ITGBL1: variants seen among roughly 807,000 people sequenced by gnomAD.
ITGBL1 encodes the protein integrin beta-like protein 1.
ITGBL1 carries 51 observed loss-of-function variants against 68.5 expected under a neutral mutation model. The ratio of observed to expected loss-of-function variants is 0.74; its 90% CI spans 0.59 to 0.94. The LOEUF is 0.94. ITGBL1 is among the 40% of genes least tolerant of loss of function. The pLI is 0.00. For synonymous variants in ITGBL1, 209 were observed against 227.3 expected, an observed-to-expected ratio of 0.92 and a Z score of 0.72; for missense variants, 649 against 647.4, an observed-to-expected ratio of 1.00 and a Z score of -0.03.
In ITGBL1 at chr13:101,635,007, A is replaced by G. The variant is rs566607026; in HGVS notation, c.1015+36708A>G. Among the ~76,000 whole-genome samples, 6 of 148,342 alleles carry G rather than the reference A, an allele frequency of 4.0e-5. No homozygotes were observed. The East Asian group carries it at 1.2e-3, about 29-fold the overall frequency. ...TTATAGGCAATTATGCTCAATTTCA[A>G]TTCGAATTTCCTTTTTTTTTAGCTT... On this transcript the variant is annotated intron_variant, in intron 7 of 10. Transcript: ENST00000376180.
chr13:101,636,216 G>A (rs1018359114), intron 7 of ITGBL1, among the ~76,000 whole-genome samples: 2 of 152,062 alleles, frequency 1.3e-5, no homozygotes, highest in Non-Finnish European at 2.9e-5. Flanking sequence ...TTTAACTCTA[G>A]AAATTTGATT....
chr13:101,616,299 C>T (rs979117129), intron 7 of ITGBL1, among the ~76,000 whole-genome samples: 2 of 152,036 alleles, frequency 1.3e-5, no homozygotes, highest in Admixed American at 1.3e-4. Flanking sequence ...TTGTTTCATC[C>T]AGCTTATGTA....
chr13:101,613,337 C>T (rs988926673), intron 7 of ITGBL1, among the ~76,000 whole-genome samples: 4 of 152,154 alleles, frequency 2.6e-5, no homozygotes, highest in African/African-American at 9.7e-5. Flanking sequence ...ATATATTTAC[C>T]AGGGTCCTCC....
At chr13:101,578,533 A>G (rs1413391043) in intron 4 of ITGBL1, among the ~76,000 whole-genome samples, 4 of 152,306 alleles carry the variant, frequency 2.6e-5, no homozygotes, top group Non-Finnish European at 5.9e-5. Flanking sequence ...GAGGAAAGCA[A>G]TGGTGCGATA....
At chr13:101,529,748 C>T (rs574362203) in intron 2 of ITGBL1, among the ~76,000 whole-genome samples, 1 of 152,100 alleles carries the variant, frequency 6.6e-6, no homozygotes, top group Admixed American at 6.6e-5. Flanking sequence ...TGCCTTTGCT[C>T]GTTTTCTCCT....
At chr13:101,642,787 G>C (rs947994724) in intron 7 of ITGBL1, among the ~76,000 whole-genome samples, 1 of 151,962 alleles carries the variant, frequency 6.6e-6, no homozygotes, top group South Asian at 2.1e-4. Flanking sequence ...CATATGGCTG[G>C]CCAGTTTTCC....
At chr13:101,480,281 C>G (rs1162280518) in intron 2 of ITGBL1, among the ~76,000 whole-genome samples, 2 of 151,928 alleles carry the variant, frequency 1.3e-5, no homozygotes, top group African/African-American at 4.8e-5. Context: ...CAATTGAATT[C>G]ATGGATACAG....
At chr13:101,543,113 G>C (rs2049742904) in intron 2 of ITGBL1, among the ~76,000 whole-genome samples, 3 of 152,104 alleles carry the variant, frequency 2.0e-5, no homozygotes, top group Admixed American at 2.0e-4. Context: ...ATTTTAGCTG[G>C]TTATTTTGTT....
intron 2 of ITGBL1, among the ~76,000 whole-genome samples, chr13:101,548,838 CTTACATTAATCTTTATGTTTAATGTGAT>C (rs1378491729): frequency 6.6e-6 from 1 of 151,578 alleles, no homozygotes; most frequent in Admixed American, 6.6e-5. Context: ...GTGAATTTAC[CTTACATTAATCTTTATGTTTAATGTGAT>C]TAACTACTCT....
intron 2 of ITGBL1, among the ~76,000 whole-genome samples, chr13:101,497,902 G>T (rs2048880618): frequency 6.7e-6 from 1 of 150,094 alleles, no homozygotes; most frequent in Non-Finnish European, 1.5e-5. Flanking sequence ...AACATTCTCT[G>T]CTCTTGGATT....
At chr13:101,491,746 G>C (rs978379773) in intron 2 of ITGBL1, among the ~76,000 whole-genome samples, 1 of 152,124 alleles carries the variant, frequency 6.6e-6, no homozygotes, top group African/African-American at 2.4e-5. Flanking sequence ...ATCTGCGTTA[G>C]GTATTTCTCC....
At chr13:101,680,718 C>T (rs9518487) in intron 7 of ITGBL1, among the ~76,000 whole-genome samples, 30,935 of 152,038 alleles carry the variant, frequency 0.2, 3,645 homozygotes, top group Admixed American at 0.28. Context: ...TTATAACATT[C>T]AGCCCTTACA....
At chr13:101,549,498 G>GA (rs1390588512) in intron 2 of ITGBL1, among the ~76,000 whole-genome samples, 7 of 151,810 alleles carry the variant, frequency 4.6e-5, no homozygotes, top group Non-Finnish European at 1.0e-4. Context: ...AAAATAAACT[G>GA]AAAAATGGCT....
intron 6 of ITGBL1, among the ~76,000 whole-genome samples, chr13:101,589,197 A>G (rs1017863691): frequency 6.6e-6 from 1 of 152,236 alleles, no homozygotes; most frequent in Admixed American, 6.5e-5. Flanking sequence ...AAATTAGGCA[A>G]TACCATTGTC....
intron 7 of ITGBL1, among the ~76,000 whole-genome samples, chr13:101,668,651 C>G (rs1020587106): frequency 2.0e-5 from 3 of 152,110 alleles, no homozygotes; most frequent in Middle Eastern, 3.4e-3. Context: ...CATGAATAAT[C>G]TGGTATAATT....
chr13:101,576,822 C>G (rs2050368614), intron 4 of ITGBL1, among the ~76,000 whole-genome samples: 1 of 152,054 alleles, frequency 6.6e-6, no homozygotes, highest in African/African-American at 2.4e-5. Flanking sequence ...AGCCAATGAC[C>G]TAAGCAAGAT....
At chr13:101,598,612 T>A (rs980736567) in intron 7 of ITGBL1, among the ~76,000 whole-genome samples, 20 of 151,862 alleles carry the variant, frequency 1.3e-4, no homozygotes, top group Admixed American at 4.6e-4. Flanking sequence ...CAGTCCCCAG[T>A]GTGTGATGTT....
chr13:101,482,337 G>GT (rs56675220), intron 2 of ITGBL1, among the ~76,000 whole-genome samples: 21,142 of 148,726 alleles, frequency 0.14, 1,941 homozygotes, highest in East Asian at 0.43. Context: ...CTGAGTATAG[G>GT]TTTTTTTTTT....
rs150910918 is a variant in ITGBL1, at chr13:101,655,839, C to T, written c.1016-36746C>T. Among the ~76,000 whole-genome samples, 86 of 152,210 alleles carry T rather than the reference C, an allele frequency of 5.7e-4. 1 individual carries two copies. In the East Asian group the frequency reaches 0.011, roughly 20 times the overall value. Reference sequence around the variant, plus strand: ...GCTATGAAAGCCTTAATATTGTTGACGAAAAGAGTCAAACTCTGTGAAATA... The same window carrying T: ...GCTATGAAAGCCTTAATATTGTTGATGAAAAGAGTCAAACTCTGTGAAATA... On this transcript the variant is annotated intron_variant, in intron 7 of 10. Coordinates refer to ENST00000376180, the MANE Select transcript of ITGBL1 (RefSeq NM_004791.3).
Sources: gnomAD v4.1 joint callset for allele counts (sites outside exome capture counted in the v4.1 genomes callset) on GRCh38, gnomAD v4.1.1 for gene constraint, MANE v1.5 for transcripts, NCBI Gene and HGNC (gene_info 2026-07-23, HGNC 2026-07-21) for gene names.